Variants in H2BC5 observed in about 807,000 individuals in gnomAD.
H2BC5 encodes the protein histone H2B type 1-D.
Under a neutral mutation model 5.7 loss-of-function variants are expected in H2BC5, and 9 were observed. The ratio of observed to expected loss-of-function variants is 1.57; its 90% CI spans 0.95 to 2.74. The LOEUF is 2.74. Ranked by LOEUF, H2BC5 falls within the 30% of genes most tolerant of loss-of-function variation. The pLI, the probability that H2BC5 is intolerant of heterozygous loss-of-function variation, is 0.00. For missense variants in H2BC5, 175 were observed against 168.8 expected, an observed-to-expected ratio of 1.04 and a Z score of -0.20; for synonymous variants, 133 against 70.9, an observed-to-expected ratio of 1.88 and a Z score of -4.40.
chr6:26,164,137 G>A, intron 1 of H2BC5: 1 of 448,458 alleles, frequency 2.2e-6, no homozygotes, highest in South Asian at 1.9e-5. Context: ...ATCCCCCCGT[G>A]GGTGAGGAGG....
rs1031865155 is a variant in H2BC5, at chr6:26,169,319, C to A, written c.*10-1656C>A. On this transcript the variant is annotated intron_variant, in intron 1 of 1. Transcript: ENST00000289316. The stretch of plus-strand genomic sequence containing the variant: ...ACAGAGAGATATGGTGGTCCTTGAC[C>A]TCCTGGAGCCCTCAGTTAAGAAGAC... Among the ~76,000 whole-genome samples, 5 of 152,268 alleles carry A rather than the reference C, an allele frequency of 3.3e-5. No homozygotes were observed. The South Asian group carries it at 8.3e-4, about 25-fold the overall frequency.
At chr6:26,158,814 CTG>C (rs1263827964), downstream of H2BC5, among the ~76,000 whole-genome samples, 3 of 152,260 alleles carry the variant, frequency 2.0e-5, no homozygotes, top group East Asian at 1.9e-4. Context: ...CTAGCATAAA[CTG>C]AAAGTATTGT....
chr6:26,169,864 G>A (rs917034550), intron 1 of H2BC5, among the ~76,000 whole-genome samples: 1 of 151,682 alleles, frequency 6.6e-6, no homozygotes, highest in Non-Finnish European at 1.5e-5. Flanking sequence ...GGGCGTCACT[G>A]CACTCCAGCC....
In H2BC5 at chr6:26,158,329, G is replaced by A. The variant is rs2113831071; in HGVS notation, c.160G>A (p.Gly54Ser). Residue 54 changes from glycine (G) to serine (S), a missense_variant, in exon 1 of 1, where the codon GGC becomes AGC. Gly to Ser is a moderately conservative substitution (Grantham distance 56). Transcript: ENST00000377777. ...GCTGAAGCAGGTCCATCCCGACACC[G>A]GCATCTCTTCCAAGGCAATGGGGAT... ...KVLKQVHPDTGISSKAMGIMN... is the reference protein window; with the variant it reads ...KVLKQVHPDTSISSKAMGIMN... 1.2e-6 allele frequency: 2 copies of A among 1,614,216 alleles called. No homozygotes were observed. The highest frequency in any genetic ancestry group is 1.7e-6 in the Non-Finnish European group (2 of 1,180,040).
downstream of H2BC5, among the ~76,000 whole-genome samples, chr6:26,162,103 C>G (rs551403608): frequency 1.3e-5 from 2 of 152,176 alleles, no homozygotes. Context: ...AGATGTAATA[C>G]TGATTTTCAA....
At chr6:26,160,326 TC>T (rs971335318), downstream of H2BC5, among the ~76,000 whole-genome samples, 3 of 151,670 alleles carry the variant, frequency 2.0e-5, no homozygotes, top group African/African-American at 7.3e-5. Flanking sequence ...AGCTAAAATA[TC>T]CCCCCAAAAA....
In H2BC5 at chr6:26,158,173, C is replaced by T. The variant is rs1336643443; in HGVS notation, c.4C>T (p.Pro2Ser). The change falls in exon 1 of 1, where the codon CCT becomes TCT. Residue 2 changes from proline (P) to serine (S), a missense_variant. By Grantham distance (74) the Pro-to-Ser change is moderately conservative (BLOSUM62 -1). Coordinates refer to ENST00000377777, the MANE Select transcript of H2BC5 (RefSeq NM_021063.4). Reference protein sequence around the residue: MPEPTKSAPAPK... With the variant: MSEPTKSAPAPK... ...TGTTCTAACTATTAACGCTACGATG[C>T]CTGAACCTACCAAGTCTGCTCCTGC... The T allele has an allele frequency of 2.5e-6, 4 of 1,613,510 alleles. No homozygotes were observed. The highest frequency in any genetic ancestry group is 3.3e-5 in the Admixed American group (2 of 59,860).
At chr6:26,161,021 A>T (rs1764343882), downstream of H2BC5, 1 of 152,262 alleles carries the variant, frequency 6.6e-6, no homozygotes, top group Non-Finnish European at 1.5e-5. Flanking sequence ...CAGCCTGGCC[A>T]ATATGGTGAA....
At chr6:26,164,964 T>C (rs1172830413) in intron 1 of H2BC5, among the ~76,000 whole-genome samples, 1 of 151,734 alleles carries the variant, frequency 6.6e-6, no homozygotes, top group Non-Finnish European at 1.5e-5. Flanking sequence ...CTCACTCCCC[T>C]CTCCCCACAC....
rs1222808686 is a variant in H2BC5, at chr6:26,158,297, A to G, written c.128A>G (p.Tyr43Cys). 10 of 1,614,266 alleles carry G rather than the reference A, an allele frequency of 6.2e-6. No individual in the cohort carries two copies. The highest frequency in any genetic ancestry group is 8.5e-6 in the Non-Finnish European group (10 of 1,180,058). The part of the protein sequence containing the change: ...SRKESYSVYV[Y>C]KVLKQVHPDT... The stretch of plus-strand genomic sequence containing the variant: ...AAGGAGAGCTATTCAGTGTATGTGT[A>G]CAAGGTGCTGAAGCAGGTCCATCCC... Residue 43 changes from tyrosine to cysteine, a missense_variant, in exon 1 of 1, where the codon TAC (tyrosine) becomes TGC (cysteine). Transcript: ENST00000377777.
At chr6:26,169,685 G>A (rs1764487135) in intron 1 of H2BC5, among the ~76,000 whole-genome samples, 2 of 152,040 alleles carry the variant, frequency 1.3e-5, no homozygotes, top group African/African-American at 4.8e-5. Context: ...TACTAAAAAA[G>A]GGAGGGGCCA....
chr6:26,159,767 G>A (rs1295700278), downstream of H2BC5, among the ~76,000 whole-genome samples: 1 of 152,182 alleles, frequency 6.6e-6, no homozygotes, highest in East Asian at 1.9e-4. Flanking sequence ...CGAAATGATG[G>A]ATTATGGGAT....
chr6:26,170,628 G>T (rs776225483), intron 1 of H2BC5, among the ~76,000 whole-genome samples: 3 of 152,162 alleles, frequency 2.0e-5, no homozygotes, highest in Non-Finnish European at 2.9e-5. Context: ...ATATTTAACA[G>T]TTATTATATT....
Position 26,170,035 on chromosome 6 carries a change from A to G in H2BC5, c.*10-940A>G, listed in dbSNP as rs1278729966. ...GGGACATGAGTAGATAGACCTTGTC[A>G]TATACTTGGTGTCTCAGTTGTGTGT... On this transcript the variant is annotated intron_variant, in intron 1 of 1. Coordinates refer to the H2BC5 transcript ENST00000289316. Among the ~76,000 whole-genome samples the G allele has an allele frequency of 2.6e-5, 4 of 152,350 alleles. No homozygotes were observed. The East Asian group carries it at 7.7e-4, about 29-fold the overall frequency.
In H2BC5 at chr6:26,158,316, C is replaced by G; in HGVS notation, c.147C>G (p.Val49=). 1.2e-6 allele frequency: 2 copies of G among 1,614,240 alleles called. No homozygotes were observed. Among genetic ancestry groups the G allele is most frequent in the Non-Finnish European group, 1.7e-6 (2 of 1,180,048 alleles). Residue 49 remains valine (V), a synonymous_variant, in exon 1 of 1, where the codon GTC becomes GTG. Coordinates refer to ENST00000377777, the MANE Select transcript of H2BC5 (RefSeq NM_021063.4). ...SVYVYKVLKQ[V]HPDTGISSKA... is the part of the protein sequence containing the mutation. ...ATGTGTACAAGGTGCTGAAGCAGGT[C>G]CATCCCGACACCGGCATCTCTTCCA...
intron 1 of H2BC5, among the ~76,000 whole-genome samples, chr6:26,170,804 G>C (rs943510663): frequency 6.6e-6 from 1 of 152,140 alleles, no homozygotes; most frequent in Non-Finnish European, 1.5e-5. Flanking sequence ...TCTTGACTAA[G>C]CATGACTTAT....
At chr6:26,166,213 G>C (rs1764420918) in intron 1 of H2BC5, among the ~76,000 whole-genome samples, 1 of 152,144 alleles carries the variant, frequency 6.6e-6, no homozygotes, top group Non-Finnish European at 1.5e-5. Flanking sequence ...CTGTTACCTT[G>C]GCATCTCATT....
intron 1 of H2BC5, among the ~76,000 whole-genome samples, chr6:26,164,845 C>T (rs1764396995): frequency 6.6e-6 from 1 of 152,044 alleles, no homozygotes; most frequent in African/African-American, 2.4e-5. Flanking sequence ...TAGGGTTTAT[C>T]ATCACCATGT....
At chr6:26,160,512 C>CT (rs1764334032), downstream of H2BC5, among the ~76,000 whole-genome samples, 2 of 93,196 alleles carry the variant, frequency 2.1e-5, no homozygotes, top group Admixed American at 2.8e-4. Flanking sequence ...GATCCTGTCT[C>CT]TGAAAAAAAA....
Sources: gnomAD v4.1 joint callset for allele counts (sites outside exome capture counted in the v4.1 genomes callset) on GRCh38, gnomAD v4.1.1 for gene constraint, MANE v1.5 for transcripts, NCBI Gene and HGNC (gene_info 2026-07-23, HGNC 2026-07-21) for gene names.